Variants in NCAPG2 observed in about 807,000 individuals in gnomAD.
NCAPG2 encodes non-SMC condensin II complex subunit G2.
Under a neutral mutation model 141.1 loss-of-function variants are expected in NCAPG2, and 53 were observed. That is an observed-to-expected ratio of 0.38 (90% CI 0.30 to 0.47). NCAPG2 has a LOEUF of 0.47. Ranked by LOEUF, NCAPG2 falls within the 20% of genes least tolerant of loss-of-function variation. NCAPG2 has a pLI of 0.99. For missense variants in NCAPG2, 1,087 were observed against 1,389.0 expected, an observed-to-expected ratio of 0.78 and a Z score of 3.46; for synonymous variants, 499 against 490.7, an observed-to-expected ratio of 1.02 and a Z score of -0.22.
intron 4 of NCAPG2, among the ~76,000 whole-genome samples, chr7:158,690,990 C>G (rs917756815): frequency 1.3e-5 from 2 of 152,018 alleles, no homozygotes; most frequent in South Asian, 4.1e-4. Context: ...TCAGAGAAAT[C>G]GTATCACCAA....
intron 13 of NCAPG2, chr7:158,668,360 TCCTTACCCACTACTGGGTCCCTC>T (rs1833423537): frequency 1.2e-6 from 1 of 805,994 alleles, no homozygotes; most frequent in African/African-American, 3.4e-5. Flanking sequence ...CCCTCCGCCC[TCCTTACCCACTACTGGGTCCCTC>T]CGCCCTCCTT....
rs545827026 is a variant in NCAPG2 at position 158,655,256 on chromosome 7, G to T, written c.2508C>A (p.Phe836Leu). 1 of 1,613,758 alleles carries T rather than the reference G, an allele frequency of 6.2e-7. No individual in the cohort carries two copies. Among genetic ancestry groups the T allele is most frequent in the South Asian group, 1.1e-5 (1 of 91,044 alleles). Residue 836 changes from phenylalanine to leucine, a missense_variant and splice_region_variant, in exon 21 of 28, where the codon TTC (phenylalanine) becomes TTA (leucine). Phe to Leu is a conservative substitution (Grantham distance 22). Coordinates refer to ENST00000356309, the MANE Select transcript of NCAPG2 (RefSeq NM_017760.7). Reference sequence around the variant, plus strand: ...ACAAATACACCTTTCCTTCTGAGCAGAACTGTCCAAAAACAAGAAGATAAA... The same window carrying T: ...ACAAATACACCTTTCCTTCTGAGCATAACTGTCCAAAAACAAGAAGATAAA... ...CRLSIHLQHKFCSEGKVYLSM... is the reference protein window; with the variant it reads ...CRLSIHLQHKLCSEGKVYLSM...
intron 8 of NCAPG2, among the ~76,000 whole-genome samples, chr7:158,684,831 G>A (rs1005576215): frequency 2.0e-5 from 3 of 152,346 alleles, no homozygotes; most frequent in Non-Finnish European, 2.9e-5. Context: ...GGGATTACAG[G>A]CGTGAGCTAC....
intron 26 of NCAPG2, 98 bp downstream of exon 26, chr7:158,645,421 G>A (rs1175974791): frequency 4.8e-6 from 5 of 1,032,446 alleles, no homozygotes; most frequent in Admixed American, 3.6e-5. Context: ...GAGCTGGCCA[G>A]GAGTAGCCAA....
intron 1 of NCAPG2, among the ~76,000 whole-genome samples, chr7:158,704,350 C>A (rs1836024016): frequency 6.7e-6 from 1 of 149,806 alleles, no homozygotes; most frequent in Non-Finnish European, 1.5e-5. Flanking sequence ...AGTTCCCATG[C>A]CCAGGACAGA....
intron 8 of NCAPG2, among the ~76,000 whole-genome samples, chr7:158,684,184 T>C (rs369918341): frequency 1.5e-4 from 23 of 152,340 alleles, no homozygotes; most frequent in Admixed American, 7.2e-4. Flanking sequence ...CAACCACACA[T>C]TGTCTGACTT....
intron 8 of NCAPG2, among the ~76,000 whole-genome samples, chr7:158,684,188 CTGACTTGCAA>C (rs1834616923): frequency 6.6e-6 from 1 of 152,212 alleles, no homozygotes; most frequent in South Asian, 2.1e-4. Flanking sequence ...CACACATTGT[CTGACTTGCAA>C]TGAAAGATGA....
chr7:158,648,357 G>T (rs147849084), intron 24 of NCAPG2, among the ~76,000 whole-genome samples: 1 of 151,194 alleles, frequency 6.6e-6, no homozygotes, highest in Non-Finnish European at 1.5e-5. Flanking sequence ...ATAAAATGGC[G>T]TAGTAAAAAC....
chr7:158,678,732 T>TA (rs34490108), intron 11 of NCAPG2, among the ~76,000 whole-genome samples: 6,661 of 145,662 alleles, frequency 0.046, 359 homozygotes, highest in African/African-American at 0.13. Flanking sequence ...AAGGAATCTT[T>TA]AAAAAAAAAA....
chr7:158,665,979 T>C (rs1264946009), intron 13 of NCAPG2, among the ~76,000 whole-genome samples: 1 of 139,832 alleles, frequency 7.2e-6, no homozygotes, highest in Non-Finnish European at 1.5e-5. Context: ...CACGGGGCAG[T>C]TTACTCACAT....
At chr7:158,693,549 T>A (rs776316053) in intron 2 of NCAPG2, 52 bp from the exon 3 acceptor site, 5 of 1,467,208 alleles carry the variant, frequency 3.4e-6, no homozygotes, top group Non-Finnish European at 4.7e-6. Context: ...ATTAATCATA[T>A]CCTTTTCATA....
At chr7:158,636,997 G>C (rs1363163204) in intron 27 of NCAPG2, among the ~76,000 whole-genome samples, 3 of 151,522 alleles carry the variant, frequency 2.0e-5, no homozygotes, top group African/African-American at 4.9e-5. Flanking sequence ...ACCCAGGCTG[G>C]AATGCAGTGG....
chr7:158,651,009 A>C, intron 23 of NCAPG2, 37 bp from the exon 24 acceptor site: 1 of 1,536,176 alleles, frequency 6.5e-7, no homozygotes, highest in Non-Finnish European at 8.7e-7. Flanking sequence ...TAATGACTAA[A>C]AACCATGGTT....
chr7:158,687,962 T>G (rs1427104574), intron 6 of NCAPG2, among the ~76,000 whole-genome samples: 1 of 152,176 alleles, frequency 6.6e-6, no homozygotes, highest in Admixed American at 6.5e-5. Context: ...TGATGATAAT[T>G]TATATGCATG....
intron 7 of NCAPG2, among the ~76,000 whole-genome samples, chr7:158,687,045 C>T (rs547943408): frequency 6.6e-5 from 10 of 152,194 alleles, no homozygotes; most frequent in African/African-American, 2.4e-4. Flanking sequence ...AACCAAAAAG[C>T]ACACATTGCA....
At chr7:158,663,954 T>A (rs1312836745) in intron 15 of NCAPG2, among the ~76,000 whole-genome samples, 1 of 152,238 alleles carries the variant, frequency 6.6e-6, no homozygotes, top group Non-Finnish European at 1.5e-5. Context: ...GGACAAGATG[T>A]GACTGGTAAG....
At position 158,675,459 on chromosome 7, in the gene NCAPG2, T is replaced by C. The variant is rs373511944; in HGVS notation, c.1326+18A>G. On this transcript the variant is annotated intron_variant, in intron 12 of 27. Transcript: ENST00000356309. ...CTACAACAAATAAACATTACTTACA[T>C]AATTTAAAAAATCTTACCTTAAAGA... 17 of 1,555,536 alleles carry C rather than the reference T, an allele frequency of 1.1e-5. No homozygotes were observed. The African/African-American group carries it at 2.2e-4, about 20-fold the overall frequency.
At chr7:158,666,606 C>T (rs1046424581) in intron 13 of NCAPG2, among the ~76,000 whole-genome samples, 12 of 151,276 alleles carry the variant, frequency 7.9e-5, no homozygotes, top group Non-Finnish European at 1.5e-4. Flanking sequence ...CAGAGCTGCA[C>T]GGGCCACACA....
Position 158,675,534 on chromosome 7 carries a change from C to T in NCAPG2, c.1269G>A (p.Val423=), listed in dbSNP as rs1189521179. ...PTILIDLLKK[V]TGELAFDTSS... is the part of the protein sequence containing the mutation. ...TCGTGTCAAATGCCAGTTCCCCAGT[C>T]ACCTTCTTCAGGAGGTCAATAAGAA... Residue 423 remains valine (V), a synonymous_variant, in exon 12 of 28, where the codon GTG becomes GTA. Transcript: ENST00000356309. The T allele has an allele frequency of 1.2e-6, 2 of 1,613,176 alleles. No individual in the cohort carries two copies. Among genetic ancestry groups the T allele is most frequent in the Non-Finnish European group, 1.7e-6 (2 of 1,179,848 alleles).
Sources: allele counts gnomAD v4.1 joint callset (sites outside exome capture counted in the v4.1 genomes callset), GRCh38; gene constraint gnomAD v4.1.1; transcripts MANE v1.5; gene names NCBI Gene and HGNC (gene_info 2026-07-23, HGNC 2026-07-21).